Variants in NRG3 observed in about 807,000 individuals in gnomAD.
NRG3 encodes neuregulin 3, also known as pro-neuregulin-3, membrane-bound isoform.
A neutral mutation model predicts 66.9 loss-of-function variants in NRG3; 31 were observed. The ratio of observed to expected loss-of-function variants is 0.46; its 90% CI spans 0.35 to 0.63. The LOEUF (loss-of-function observed/expected upper bound fraction) is 0.63, where lower values mean the gene tolerates loss of function less well. Ranked by LOEUF, NRG3 falls within the 20% of genes least tolerant of loss-of-function variation. NRG3 has a pLI of 0.00. For synonymous variants in NRG3, 393 were observed against 359.4 expected (o/e 1.09, Z -1.06); for missense variants, 910 against 878.9 (o/e 1.04, Z -0.45).
chr10:82,133,592 CCTT>C (rs1257311519), intron 1 of NRG3, among the ~76,000 whole-genome samples: 5 of 152,160 alleles, frequency 3.3e-5, no homozygotes, highest in Admixed American at 2.6e-4. Context: ...GACATAATCT[CCTT>C]CTTTTTTATG....
intron 1 of NRG3, among the ~76,000 whole-genome samples, chr10:82,091,231 G>A (rs764952822): frequency 4.6e-5 from 7 of 151,998 alleles, no homozygotes; most frequent in South Asian, 2.1e-4. Context: ...TCACAATGTC[G>A]CGTAACTATT....
At chr10:82,867,294 C>A (rs1048215657) in intron 4 of NRG3, among the ~76,000 whole-genome samples, 4 of 152,162 alleles carry the variant, frequency 2.6e-5, no homozygotes, top group African/African-American at 9.7e-5. Flanking sequence ...ATCTAGCCAG[C>A]AGATTGAGAA....
intron 1 of NRG3, among the ~76,000 whole-genome samples, chr10:82,323,737 A>C (rs987173259): frequency 2.0e-4 from 31 of 152,082 alleles, no homozygotes; most frequent in African/African-American, 7.5e-4. Flanking sequence ...CTGGGATTGG[A>C]GTTATCTCTG....
intron 3 of NRG3, among the ~76,000 whole-genome samples, chr10:82,755,049 A>G (rs532942076): frequency 1.3e-5 from 2 of 152,262 alleles, no homozygotes; most frequent in South Asian, 2.1e-4. Flanking sequence ...AGCTGCTTAG[A>G]AAAGAATTAT....
chr10:82,904,893 T>G (rs1031932847), intron 4 of NRG3, among the ~76,000 whole-genome samples: 2 of 152,142 alleles, frequency 1.3e-5, no homozygotes, highest in Non-Finnish European at 2.9e-5. Context: ...AGCACAAGCT[T>G]AATTCTAACA....
At chr10:82,257,785 T>A (rs1445794507) in intron 1 of NRG3, among the ~76,000 whole-genome samples, 2 of 152,088 alleles carry the variant, frequency 1.3e-5, no homozygotes, top group Admixed American at 6.6e-5. Flanking sequence ...AAAAAAAAAT[T>A]CTGATTTTTC....
At chr10:82,726,675 T>G (rs1296824514) in intron 2 of NRG3, among the ~76,000 whole-genome samples, 1 of 152,156 alleles carries the variant, frequency 6.6e-6, no homozygotes, top group Non-Finnish European at 1.5e-5. Flanking sequence ...AATGGACTAA[T>G]ACATTAAATT....
At chr10:81,947,295 A>G (rs1212241801) in intron 1 of NRG3, among the ~76,000 whole-genome samples, 1 of 152,128 alleles carries the variant, frequency 6.6e-6, no homozygotes, top group Non-Finnish European at 1.5e-5. Flanking sequence ...CAGCAACCTC[A>G]TTTTAATTCC....
Position 82,107,044 on chromosome 10 carries a change from G to A in NRG3, c.823+230881G>A, listed in dbSNP as rs964427131. 9.2e-5 allele frequency among the ~76,000 whole-genome samples: 14 copies of A among 152,242 alleles called. No individual in the cohort carries two copies. The South Asian group carries it at 1.2e-3, about 14-fold the overall frequency. ...GCTAGACATGGGCACATTATTCAAAGCCATACAAAACATTAATACAGGTGG... is the reference window on the plus strand; with the variant it reads ...GCTAGACATGGGCACATTATTCAAAACCATACAAAACATTAATACAGGTGG... On this transcript the variant is annotated intron_variant, in intron 1 of 8. Coordinates refer to ENST00000372141, the MANE Select transcript of NRG3 (RefSeq NM_001010848.4).
chr10:82,369,031 C>T (rs979498509), intron 2 of NRG3, among the ~76,000 whole-genome samples: 1 of 138,794 alleles, frequency 7.2e-6, no homozygotes, highest in African/African-American at 3.3e-5. Flanking sequence ...AGTTTCACAG[C>T]ATCAGGCAGC....
chr10:82,858,813 C>T (rs1037673192), intron 3 of NRG3, among the ~76,000 whole-genome samples: 1 of 152,168 alleles, frequency 6.6e-6, no homozygotes, highest in African/African-American at 2.4e-5. Context: ...TCCATGACAA[C>T]GCAGCTGTTT....
intron 2 of NRG3, among the ~76,000 whole-genome samples, chr10:82,591,399 G>A (rs761935954): frequency 6.6e-6 from 1 of 152,200 alleles, no homozygotes. Flanking sequence ...AGGATCCCAT[G>A]ATAAACATTC....
At chr10:82,958,836 T>C in intron 5 of NRG3, 113 bp from the exon 6 acceptor site, 2 of 1,247,208 alleles carry the variant, frequency 1.6e-6, no homozygotes. Context: ...GTTAGCTGAG[T>C]TTATTTAACT....
chr10:82,166,510 T>C (rs1338420072), intron 1 of NRG3, among the ~76,000 whole-genome samples: 1 of 152,068 alleles, frequency 6.6e-6, no homozygotes, highest in East Asian at 1.9e-4. Context: ...ATTTTGCCTC[T>C]CCTGGTCTTT....
At chr10:82,543,910 G>A (rs1230863505) in intron 2 of NRG3, among the ~76,000 whole-genome samples, 1 of 152,184 alleles carries the variant, frequency 6.6e-6, no homozygotes, top group Non-Finnish European at 1.5e-5. Flanking sequence ...TTTTTGCAGT[G>A]CTAGGGATAT....
At chr10:82,966,091 A>T (rs1851183946) in intron 6 of NRG3, among the ~76,000 whole-genome samples, 1 of 152,152 alleles carries the variant, frequency 6.6e-6, no homozygotes. Context: ...CCTATTATTA[A>T]CCTTGTATAT....
At chr10:81,975,242 A>G (rs2060074789) in intron 1 of NRG3, among the ~76,000 whole-genome samples, 1 of 152,164 alleles carries the variant, frequency 6.6e-6, no homozygotes, top group Non-Finnish European at 1.5e-5. Flanking sequence ...ACAATCCCCT[A>G]TATCAGTAGT....
At chr10:82,877,054 C>CTCAGAGTTA (rs1841892020) in intron 4 of NRG3, among the ~76,000 whole-genome samples, 1 of 151,350 alleles carries the variant, frequency 6.6e-6, no homozygotes, top group Non-Finnish European at 1.5e-5. Flanking sequence ...GAAAGTAATT[C>CTCAGAGTTA]TCAGAGTTAT....
chr10:82,723,748 G>A (rs1394071158), intron 2 of NRG3, among the ~76,000 whole-genome samples: 1 of 152,084 alleles, frequency 6.6e-6, no homozygotes, highest in African/African-American at 2.4e-5. Flanking sequence ...GGGAGGCCGA[G>A]GTGGGCAGAT....
Sources: allele counts gnomAD v4.1 joint callset (sites outside exome capture counted in the v4.1 genomes callset), GRCh38; gene constraint gnomAD v4.1.1; transcripts MANE v1.5; gene names NCBI Gene and HGNC (gene_info 2026-07-23, HGNC 2026-07-21).